The following P4HA1 variants were observed in gnomAD, a reference collection of about 807,000 sequenced individuals.
The protein encoded by P4HA1 is prolyl 4-hydroxylase subunit alpha 1, also known as prolyl 4-hydroxylase subunit alpha-1.
A neutral mutation model predicts 72.8 loss-of-function variants in P4HA1; 24 were observed. That is an observed-to-expected ratio of 0.33 (90% CI 0.24 to 0.46). P4HA1 has a LOEUF of 0.46. Among genes scored for constraint, P4HA1 ranks in the 20% least tolerant of loss-of-function variants. The pLI is 1.00. For synonymous variants in P4HA1, 201 were observed against 218.8 expected (o/e 0.92, Z 0.72); for missense variants, 446 against 640.6 (o/e 0.70, Z 3.28).
At chr10:73,016,407 C>T (rs1240497557) in intron 11 of P4HA1, among the ~76,000 whole-genome samples, 1 of 152,230 alleles carries the variant, frequency 6.6e-6, no homozygotes, top group East Asian at 1.9e-4. Context: ...GGTCCCTATA[C>T]CTATCGCAAT....
At chr10:73,052,410 G>A (rs557280426) in intron 6 of P4HA1, among the ~76,000 whole-genome samples, 8 of 152,242 alleles carry the variant, frequency 5.3e-5, no homozygotes, top group East Asian at 3.9e-4. Context: ...GGGAAGAGGC[G>A]TATACACTAA....
At chr10:73,062,001 A>G (rs1277002039) in intron 5 of P4HA1, among the ~76,000 whole-genome samples, 2 of 152,220 alleles carry the variant, frequency 1.3e-5, no homozygotes, top group African/African-American at 4.8e-5. Flanking sequence ...CCTGGCTGAT[A>G]GAGTGAAATC....
chr10:73,040,702 G>T (rs754246217), intron 9 of P4HA1, among the ~76,000 whole-genome samples: 1 of 151,966 alleles, frequency 6.6e-6, no homozygotes, highest in Admixed American at 6.6e-5. Flanking sequence ...TTGATCTCCT[G>T]ACCTTGTGAT....
At chr10:73,052,294 G>A (rs954642480) in intron 6 of P4HA1, among the ~76,000 whole-genome samples, 2 of 151,994 alleles carry the variant, frequency 1.3e-5, no homozygotes, top group African/African-American at 4.8e-5. Context: ...AGGATACCTA[G>A]GCTTAGATTG....
intron 1 of P4HA1, among the ~76,000 whole-genome samples, chr10:73,083,199 T>C (rs1841859595): frequency 1.3e-5 from 2 of 152,208 alleles, no homozygotes; most frequent in South Asian, 4.1e-4. Context: ...CAAATTGCCA[T>C]TGTTTTTACT....
chr10:73,036,572 T>G (rs914245212), intron 9 of P4HA1, among the ~76,000 whole-genome samples: 1 of 151,978 alleles, frequency 6.6e-6, no homozygotes, highest in African/African-American at 2.4e-5. Context: ...AATTTTTGTA[T>G]TTTTTTGTAG....
chr10:73,075,841 G>C (rs918338109), intron 1 of P4HA1, among the ~76,000 whole-genome samples: 2 of 151,748 alleles, frequency 1.3e-5, no homozygotes, highest in African/African-American at 4.8e-5. Flanking sequence ...AAAGTTCTAG[G>C]GTTACAGGCG....
intron 9 of P4HA1, among the ~76,000 whole-genome samples, chr10:73,037,358 C>A (rs373702264): frequency 6.8e-6 from 1 of 146,968 alleles, no homozygotes; most frequent in Non-Finnish European, 1.5e-5. Context: ...CACTAGAATG[C>A]GCAGAGTAAG....
At chr10:73,067,600 T>C (rs1226188431) in intron 5 of P4HA1, among the ~76,000 whole-genome samples, 5 of 152,200 alleles carry the variant, frequency 3.3e-5, no homozygotes, top group African/African-American at 9.6e-5. Context: ...ATGTTAGTTA[T>C]CTGAATATGA....
chr10:73,069,376 A>G (rs185118219), intron 4 of P4HA1, among the ~76,000 whole-genome samples: 1 of 152,328 alleles, frequency 6.6e-6, no homozygotes, highest in East Asian at 1.9e-4. Flanking sequence ...ATACTTCCAG[A>G]TAACAGATGG....
intron 10 of P4HA1, among the ~76,000 whole-genome samples, chr10:73,017,590 A>ATGC (rs3998391): frequency 0.16 from 23,853 of 152,120 alleles, 3,151 homozygotes; most frequent in African/African-American, 0.34. Context: ...AAAGCCCCAA[A>ATGC]TGCTGAACTC....
chr10:73,033,829 T>G (rs1233580714), intron 9 of P4HA1, among the ~76,000 whole-genome samples: 1 of 152,206 alleles, frequency 6.6e-6, no homozygotes, highest in Non-Finnish European at 1.5e-5. Context: ...AAGCAATGGT[T>G]TAGCTATGAC....
intron 1 of P4HA1, among the ~76,000 whole-genome samples, chr10:73,086,576 A>G (rs981707240): frequency 1.3e-5 from 2 of 152,192 alleles, no homozygotes; most frequent in African/African-American, 4.8e-5. Context: ...TGAAATGTAT[A>G]CTTTAAAGGG....
chr10:73,070,317 C>T (rs1038557496), intron 4 of P4HA1, among the ~76,000 whole-genome samples: 1 of 151,318 alleles, frequency 6.6e-6, no homozygotes, highest in African/African-American at 2.4e-5. Context: ...CCACCAGGCC[C>T]GGCTAACTTT....
chr10:73,052,291 C>T (rs1841039731), intron 6 of P4HA1, among the ~76,000 whole-genome samples: 2 of 151,930 alleles, frequency 1.3e-5, no homozygotes, highest in African/African-American at 4.8e-5. Context: ...TTTAGGATAC[C>T]TAGGCTTAGA....
At chr10:73,021,795 C>A (rs545456251) in intron 10 of P4HA1, among the ~76,000 whole-genome samples, 3 of 152,350 alleles carry the variant, frequency 2.0e-5, no homozygotes, top group East Asian at 3.9e-4. Flanking sequence ...CCACATACTG[C>A]GCTTTTCCCA....
intron 6 of P4HA1, among the ~76,000 whole-genome samples, 188 bp from the exon 7 acceptor site, chr10:73,051,437 G>A (rs532415720): frequency 3.3e-5 from 5 of 152,230 alleles, no homozygotes; most frequent in Non-Finnish European, 7.4e-5. Flanking sequence ...CTGCCCCCAA[G>A]TAAATCAGGA....
At chr10:73,050,785 G>A (rs7078818) in intron 7 of P4HA1, among the ~76,000 whole-genome samples, 24,108 of 151,636 alleles carry the variant, frequency 0.16, 3,191 homozygotes, top group African/African-American at 0.34. Flanking sequence ...AACTCACTGT[G>A]CCCCTGAACT....
intron 14 of P4HA1, 43 bp from the exon 15 acceptor site, chr10:73,008,335 A>ATC (rs776740014): frequency 8.3e-7 from 1 of 1,210,672 alleles, no homozygotes; most frequent in Non-Finnish European, 1.2e-6. Context: ...CCTTAATCTA[A>ATC]TCAGTATTTA....
Sources: gnomAD v4.1 joint callset for allele counts (sites outside exome capture counted in the v4.1 genomes callset) on GRCh38, gnomAD v4.1.1 for gene constraint, MANE v1.5 for transcripts, NCBI Gene and HGNC (gene_info 2026-07-23, HGNC 2026-07-21) for gene names.